The following KCNN2 variants were observed in gnomAD, a reference collection of about 807,000 sequenced individuals.
KCNN2 encodes small conductance calcium-activated potassium channel protein 2.
In KCNN2, 24 loss-of-function variants were observed where a neutral mutation model predicts 55.5. That is an observed-to-expected ratio of 0.43 (90% CI 0.31 to 0.61). The LOEUF is 0.61. KCNN2 is among the 20% of genes least tolerant of loss of function. The pLI is 0.08. For missense variants in KCNN2, 754 were observed against 853.6 expected, an observed-to-expected ratio of 0.88 and a Z score of 1.45; for synonymous variants, 431 against 336.1, an observed-to-expected ratio of 1.28 and a Z score of -3.09.
intron 2 of KCNN2, among the ~76,000 whole-genome samples, chr5:114,315,939 T>C (rs1341304835): frequency 6.7e-6 from 1 of 149,620 alleles, no homozygotes; most frequent in Non-Finnish European, 1.5e-5. Flanking sequence ...AGGAATCAGA[T>C]ATTGTCCTGA....
chr5:114,329,744 C>A (rs1417900102), intron 2 of KCNN2, among the ~76,000 whole-genome samples: 4 of 152,222 alleles, frequency 2.6e-5, no homozygotes, highest in African/African-American at 9.6e-5. Context: ...TAGTTCCGTC[C>A]CTTTGGAGAT....
At chr5:114,316,669 G>A (rs1756508422) in intron 2 of KCNN2, among the ~76,000 whole-genome samples, 1 of 152,142 alleles carries the variant, frequency 6.6e-6, no homozygotes, top group African/African-American at 2.4e-5. Flanking sequence ...CAAAATAAAT[G>A]CATATGAAAA....
At chr5:114,486,707 G>A (rs1368157039) in intron 5 of KCNN2, 1 of 1,284,814 alleles carries the variant, frequency 7.8e-7, no homozygotes, top group African/African-American at 1.5e-5. Context: ...GGGAAAGGAA[G>A]ATCATGGAGA....
intron 2 of KCNN2, among the ~76,000 whole-genome samples, chr5:114,292,084 G>C (rs890304342): frequency 6.6e-6 from 1 of 152,146 alleles, no homozygotes; most frequent in African/African-American, 2.4e-5. Context: ...GTAGATTCTG[G>C]ATATTAGCCC....
intron 1 of KCNN2, among the ~76,000 whole-genome samples, chr5:114,085,694 C>T (rs1376788206): frequency 6.6e-6 from 1 of 151,920 alleles, no homozygotes; most frequent in African/African-American, 2.4e-5. Flanking sequence ...TTCGAGTGCA[C>T]TTGAAAATAA....
chr5:114,439,002 AC>A (rs1760114156), intron 3 of KCNN2, among the ~76,000 whole-genome samples: 1 of 152,230 alleles, frequency 6.6e-6, no homozygotes, highest in African/African-American at 2.4e-5. Context: ...TTTAACTTAG[AC>A]ATTATAGTGC....
At chr5:114,257,416 A>G (rs1561543267) in intron 2 of KCNN2, among the ~76,000 whole-genome samples, 1 of 151,992 alleles carries the variant, frequency 6.6e-6, no homozygotes, top group Non-Finnish European at 1.5e-5. Flanking sequence ...TTTGGTAGGA[A>G]TCACGTTGAA....
chr5:114,086,235 T>C (rs1751013254), intron 1 of KCNN2, among the ~76,000 whole-genome samples: 1 of 152,094 alleles, frequency 6.6e-6, no homozygotes, highest in Admixed American at 6.6e-5. Context: ...ACCTTTTAAC[T>C]GGGATGATTA....
At chr5:114,450,193 C>A (rs1041250262) in intron 3 of KCNN2, among the ~76,000 whole-genome samples, 1 of 152,226 alleles carries the variant, frequency 6.6e-6, no homozygotes, top group African/African-American at 2.4e-5. Context: ...TCTGCCAGGC[C>A]AGTGTCAACA....
At chr5:114,061,934 A>C (rs755944357) in intron 1 of KCNN2, among the ~76,000 whole-genome samples, 18 of 152,212 alleles carry the variant, frequency 1.2e-4, no homozygotes, top group Non-Finnish European at 2.2e-4. Flanking sequence ...TAGAGAAAAA[A>C]TACAGGAATC....
rs530649295 is a variant in KCNN2 at position 114,376,454 on chromosome 5, C to A, written c.1218+12453C>A. Among the ~76,000 whole-genome samples, 109 of 152,252 alleles carry A rather than the reference C, an allele frequency of 7.2e-4. 1 individual carries two copies. In the South Asian group the frequency reaches 0.011, roughly 16 times the overall value. ...AGTGTGATGGAGGGTGAGCAGAAGC[C>A]TCACCTTCAAAACTCTAATTATGAC... On this transcript the variant is annotated intron_variant, in intron 2 of 7. Coordinates refer to ENST00000673685, the MANE Select transcript of KCNN2 (RefSeq NM_021614.4).
At chr5:114,219,282 A>T (rs1754077772) in intron 1 of KCNN2, among the ~76,000 whole-genome samples, 1 of 152,206 alleles carries the variant, frequency 6.6e-6, no homozygotes, top group African/African-American at 2.4e-5. Flanking sequence ...GCCCTCCGCC[A>T]GCAAGGACAA....
chr5:114,451,428 G>A (rs1238023931), intron 3 of KCNN2, among the ~76,000 whole-genome samples: 2 of 151,970 alleles, frequency 1.3e-5, no homozygotes, highest in African/African-American at 4.8e-5. Flanking sequence ...ACCATGCCCC[G>A]CCAAACATAC....
intron 7 of KCNN2, among the ~76,000 whole-genome samples, chr5:114,495,466 C>T (rs140808222): frequency 0.011 from 1,749 of 152,286 alleles, 21 homozygotes; most frequent in Middle Eastern, 0.031. Context: ...TATTATTTAT[C>T]CCTCTGTATT....
chr5:114,496,108 G>C lies in KCNN2; in HGVS notation c.2302G>C (p.Glu768Gln), dbSNP rs777570861. ...CGACAAGCACGTCACTTACAATGCTGAGCGGTCCCGGTCCTCGTCCAGGAG... is the reference window on the plus strand; with the variant it reads ...CGACAAGCACGTCACTTACAATGCTCAGCGGTCCCGGTCCTCGTCCAGGAG... ...SYDKHVTYNA[E>Q]RSRSSSRRRR... Residue 768 changes from glutamate to glutamine, a missense_variant, in exon 8 of 8, where the codon GAG becomes CAG. This residue lies in a region of KCNN2 where 164 missense variants were observed against 156.6 expected (regional missense o/e 1.05). Coordinates refer to ENST00000673685, the MANE Select transcript of KCNN2 (RefSeq NM_021614.4). The C allele has an allele frequency of 9.9e-6, 16 of 1,613,904 alleles. No individual in the cohort carries two copies. Among genetic ancestry groups the C allele is most frequent in the Non-Finnish European group, 1.4e-5 (16 of 1,179,974 alleles).
Position 114,404,440 on chromosome 5 carries a change from G to T in KCNN2, c.1221G>T (p.Leu407Phe). 1 of 1,609,784 alleles carries T rather than the reference G, an allele frequency of 6.2e-7. No individual in the cohort carries two copies. ...GATTTTCTACTTTATTTTTTCAGTTGTTCATGGTGGACAATGGAGCAGATG... is the reference window on the plus strand; with the variant it reads ...GATTTTCTACTTTATTTTTTCAGTTTTTCATGGTGGACAATGGAGCAGATG... ...IIVYHAREIQ[L>F]FMVDNGADDW... The change falls in exon 3 of 8, where the codon TTG (leucine) becomes TTT (phenylalanine). Residue 407 changes from leucine (L) to phenylalanine (F), a missense_variant and splice_region_variant. By Grantham distance (22) the Leu-to-Phe change is conservative. This residue lies in a region of KCNN2 where 123 missense variants were observed against 204.9 expected (regional missense o/e 0.60). Coordinates refer to ENST00000673685, the MANE Select transcript of KCNN2 (RefSeq NM_021614.4).
intron 2 of KCNN2, among the ~76,000 whole-genome samples, chr5:114,374,829 C>A (rs1345834769): frequency 6.6e-6 from 1 of 152,116 alleles, no homozygotes; most frequent in Non-Finnish European, 1.5e-5. Context: ...CCTTTGCTTT[C>A]TTTAATATTC....
intron 2 of KCNN2, among the ~76,000 whole-genome samples, chr5:114,396,182 C>T (rs567974960): frequency 2.0e-5 from 3 of 152,306 alleles, no homozygotes; most frequent in Admixed American, 6.5e-5. Flanking sequence ...CTCCCACATC[C>T]AGCCCATCAG....
chr5:114,179,401 T>C (rs1027072406), intron 1 of KCNN2, among the ~76,000 whole-genome samples: 1 of 152,186 alleles, frequency 6.6e-6, no homozygotes, highest in African/African-American at 2.4e-5. Context: ...CAGAGTGATA[T>C]AAGAGAAAGA....
Sources: gnomAD v4.1 joint callset for allele counts (sites outside exome capture counted in the v4.1 genomes callset) on GRCh38, gnomAD v4.1.1 for gene constraint, gnomAD v4.1.1 regional missense constraint, MANE v1.5 for transcripts, NCBI Gene and HGNC (gene_info 2026-07-23, HGNC 2026-07-21) for gene names.